DENND4C: variants seen among roughly 807,000 people sequenced by gnomAD.
The protein encoded by DENND4C is DENN domain-containing protein 4C.
DENND4C carries 108 observed loss-of-function variants against 203.0 expected under a neutral mutation model. That is an observed-to-expected ratio of 0.53 (90% CI 0.46 to 0.62). DENND4C has a LOEUF of 0.62. Among genes scored for constraint, DENND4C ranks in the 20% least tolerant of loss-of-function variants. The pLI, the probability that DENND4C is intolerant of heterozygous loss-of-function variation, is 0.00. For missense variants in DENND4C, 2,481 were observed against 2,301.2 expected (o/e 1.08, Z -1.60); for synonymous variants, 871 against 792.4 (o/e 1.10, Z -1.67).
intron 20 of DENND4C, among the ~76,000 whole-genome samples, chr9:19,338,997 T>C (rs947066735): frequency 4.6e-5 from 7 of 152,214 alleles, no homozygotes; most frequent in South Asian, 2.1e-4. Flanking sequence ...AAAAAGACTT[T>C]TAAAATATTT....
At chr9:19,283,492 A>G (rs1040306023) in intron 2 of DENND4C, among the ~76,000 whole-genome samples, 2 of 152,256 alleles carry the variant, frequency 1.3e-5, no homozygotes, top group African/African-American at 4.8e-5. Flanking sequence ...AATCTATGGC[A>G]CCACCATAGT....
chr9:19,367,421 C>T (rs1037623247), intron 30 of DENND4C, among the ~76,000 whole-genome samples: 7 of 152,176 alleles, frequency 4.6e-5, no homozygotes, highest in Non-Finnish European at 8.8e-5. Context: ...GCCAAAAATA[C>T]GGAAACAAAT....
chr9:19,350,838 G>A lies in DENND4C; in HGVS notation c.4454G>A (p.Ser1485Asn), dbSNP rs538313328. ...CAGAGCAACACAAGTCTTGGCAGTA[G>A]CAGCAGTAGTGGAGATGTAGGAAAA... ...LTQSNTSLGS[S>N]SSSGDVGKLH... Residue 1485 changes from serine (S) to asparagine (N), a missense_variant, in exon 24 of 33, where the codon AGC becomes AAC. By Grantham distance (46) the Ser-to-Asn change is conservative. Transcript: ENST00000434457. 1.9e-6 allele frequency: 3 copies of A among 1,613,946 alleles called. No homozygotes were observed. The highest frequency in any genetic ancestry group is 2.5e-6 in the Non-Finnish European group (3 of 1,179,992).
At chr9:19,280,767 T>A (rs554093855) in intron 2 of DENND4C, among the ~76,000 whole-genome samples, 1 of 152,154 alleles carries the variant, frequency 6.6e-6, no homozygotes, top group African/African-American at 2.4e-5. Context: ...TGAGACAGTG[T>A]CTCACTGTGG....
intron 24 of DENND4C, among the ~76,000 whole-genome samples, chr9:19,351,811 AAAAAAAAAG>A (rs369269533): frequency 0.014 from 2,196 of 151,948 alleles, 57 homozygotes; most frequent in African/African-American, 0.051. Context: ...CATCTAAAAA[AAAAAAAAAG>A]AAAAGAAAAA....
At chr9:19,286,700 A>G (rs745364062) in intron 2 of DENND4C, 69 bp from the exon 3 acceptor site, 80 of 1,193,920 alleles carry the variant, frequency 6.7e-5, no homozygotes, top group Non-Finnish European at 8.2e-5. Flanking sequence ...TGCATGTACT[A>G]TATATATGTA....
At chr9:19,357,875 T>C (rs1479604668) in intron 27 of DENND4C, 90 bp from the exon 28 acceptor site, 2 of 1,038,244 alleles carry the variant, frequency 1.9e-6, no homozygotes, top group African/African-American at 3.2e-5. Flanking sequence ...TTTAGTAGAC[T>C]CAAGGTCCAT....
Position 19,288,663 on chromosome 9 carries a change from C to T in DENND4C, c.626C>T (p.Ala209Val). Residue 209 changes from alanine to valine, a missense_variant and splice_region_variant, in exon 4 of 33, where the codon GCT becomes GTT. By Grantham distance (64) the Ala-to-Val change is moderately conservative (BLOSUM62 0). Coordinates refer to ENST00000434457, the MANE Select transcript of DENND4C (RefSeq NM_001330640.2). ...GCTTCAAATGCAATAGCATATAAGGCTGGTAAGTGAGTTAAAAAAAATTGT... is the reference window on the plus strand; with the variant it reads ...GCTTCAAATGCAATAGCATATAAGGTTGGTAAGTGAGTTAAAAAAAATTGT... ...VPASNAIAYK[A>V]GLIFRYPEED... 1 of 1,231,138 alleles carries T rather than the reference C, an allele frequency of 8.1e-7. No individual in the cohort carries two copies. The allele number at this position is 1,231,138 out of a possible 1,614,324, so 76.3% of individuals were successfully genotyped here. A position where few individuals can be genotyped will look rare whatever the true frequency, so the allele number is the denominator to read the frequency against.
chr9:19,323,163 A>G (rs1261496907), intron 12 of DENND4C, among the ~76,000 whole-genome samples: 1 of 152,146 alleles, frequency 6.6e-6, no homozygotes, highest in East Asian at 1.9e-4. Context: ...GGCTAGGTGC[A>G]GTGGCTCACG....
At chr9:19,315,635 C>T (rs1336249038) in intron 10 of DENND4C, among the ~76,000 whole-genome samples, 6 of 149,486 alleles carry the variant, frequency 4.0e-5, no homozygotes, top group South Asian at 2.1e-4. Flanking sequence ...TTTATATTTT[C>T]GGAATATAAA....
At chr9:19,293,381 T>C (rs1836764751) in intron 5 of DENND4C, among the ~76,000 whole-genome samples, 1 of 152,116 alleles carries the variant, frequency 6.6e-6, no homozygotes, top group Non-Finnish European at 1.5e-5. Flanking sequence ...GCAAGGGTTA[T>C]AATGAAAAAA....
At chr9:19,308,820 G>A (rs981365554) in intron 10 of DENND4C, among the ~76,000 whole-genome samples, 1 of 152,158 alleles carries the variant, frequency 6.6e-6, no homozygotes, top group Non-Finnish European at 1.5e-5. Flanking sequence ...TAAACTTGAT[G>A]TGACATATCA....
chr9:19,358,675 A>G lies in DENND4C; in HGVS notation c.5160+515A>G, dbSNP rs1784953784. On this transcript the variant is annotated intron_variant, in intron 28 of 32. Coordinates refer to ENST00000434457, the MANE Select transcript of DENND4C (RefSeq NM_001330640.2). This position sits in a 1 kb window ranked among gnomAD's most constrained non-coding sequence, Gnocchi z 4.8. ...TGAGGAATCAGGATCAAATAAAGTCAGTGTATTGCACTTGGTTGATATAGT... is the reference window on the plus strand; with the variant it reads ...TGAGGAATCAGGATCAAATAAAGTCGGTGTATTGCACTTGGTTGATATAGT... 6.6e-6 allele frequency among the ~76,000 whole-genome samples: 1 copy of G among 151,872 alleles called. No homozygotes were observed. The highest frequency in any genetic ancestry group is 6.6e-5 in the Admixed American group (1 of 15,260).
At position 19,345,970 on chromosome 9, in the gene DENND4C, A is replaced by G. The variant is rs764439833; in HGVS notation, c.3201A>G (p.Ala1067=). 6.2e-7 allele frequency: 1 copy of G among 1,613,902 alleles called. No individual in the cohort carries two copies. Among genetic ancestry groups the G allele is most frequent in the Non-Finnish European group, 8.5e-7 (1 of 1,180,032 alleles). ...CTACTCAAGATCCAGTTGAAGATGC[A>G]GTCTTTGGCGAAGCTACTAATCTCA... ...LFSTQDPVED[A]VFGEATNLKK... Residue 1067 remains alanine, a synonymous_variant, in exon 23 of 33, where the codon GCA becomes GCG. Coordinates refer to ENST00000434457, the MANE Select transcript of DENND4C (RefSeq NM_001330640.2).
In DENND4C at chr9:19,373,350, A is replaced by C. The variant is rs1323239227; in HGVS notation, c.*1177A>C. On this transcript the variant is annotated 3_prime_UTR_variant, in exon 33 of 33. Coordinates refer to ENST00000434457, the MANE Select transcript of DENND4C (RefSeq NM_001330640.2). ...AATGAAATTAAATCAGCTGCCTAATAATTTATGGAATTCATTGGAATGTGC... is the reference window on the plus strand; with the variant it reads ...AATGAAATTAAATCAGCTGCCTAATCATTTATGGAATTCATTGGAATGTGC... 1.3e-5 allele frequency: 2 copies of C among 152,652 alleles called. No homozygotes were observed. Among genetic ancestry groups the C allele is most frequent in the Non-Finnish European group, 2.9e-5 (2 of 68,032 alleles). 9.5% of individuals were successfully genotyped at this position (152,652 alleles called of 1,614,324 possible).
intron 10 of DENND4C, among the ~76,000 whole-genome samples, chr9:19,306,745 G>GTATTTATTTATTTATTATT (rs1554630256): frequency 2.1e-5 from 3 of 142,246 alleles, no homozygotes; most frequent in Admixed American, 7.1e-5. Flanking sequence ...TTGCACAATT[G>GTATTTATTTATTTATTATT]TATTTATTTA....
At chr9:19,281,329 C>A (rs1420685288) in intron 2 of DENND4C, among the ~76,000 whole-genome samples, 1 of 152,128 alleles carries the variant, frequency 6.6e-6, no homozygotes, top group Admixed American at 6.5e-5. Flanking sequence ...ATATTTCTCT[C>A]CAGATCAAAT....
chr9:19,344,718 G>C (rs1185620217), intron 22 of DENND4C, among the ~76,000 whole-genome samples: 2 of 152,074 alleles, frequency 1.3e-5, no homozygotes, highest in African/African-American at 2.4e-5. Context: ...GCCCAGGCTG[G>C]TCTCGAGCTC....
rs544451017 is a variant in DENND4C, at chr9:19,328,878, G to A, written c.2253+716G>A. Among the ~76,000 whole-genome samples the A allele has an allele frequency of 1.0e-3, 159 of 151,770 alleles. 1 individual carries two copies. Among genetic ancestry groups the A allele is most frequent in the African/African-American group, 3.8e-3 (157 of 41,402 alleles). On this transcript the variant is annotated intron_variant, in intron 16 of 32. Transcript: ENST00000434457. ...AGCCTGACCAACATGGAGAAACCCCGTCTCTACTAAAAATACAAAATTAGC... is the reference window on the plus strand; with the variant it reads ...AGCCTGACCAACATGGAGAAACCCCATCTCTACTAAAAATACAAAATTAGC...
Sources: allele counts gnomAD v4.1 joint callset (sites outside exome capture counted in the v4.1 genomes callset), GRCh38; gene constraint gnomAD v4.1.1; non-coding constraint Gnocchi (gnomAD v3.1); transcripts MANE v1.5; gene names NCBI Gene and HGNC (gene_info 2026-07-23, HGNC 2026-07-21).